The following JUP variants were observed in gnomAD, a reference collection of about 807,000 sequenced individuals.
The protein encoded by JUP is catenin (cadherin-associated protein), gamma 80kDa.
JUP carries 28 observed loss-of-function variants against 71.1 expected under a neutral mutation model. The ratio of observed to expected loss-of-function variants is 0.39; its 90% CI spans 0.29 to 0.54. JUP has a LOEUF of 0.54. JUP is among the 20% of genes least tolerant of loss of function. The probability of loss-of-function intolerance (pLI) is 0.62; values close to 1 mark genes in which losing one functional copy is unlikely to be tolerated. For missense variants in JUP, 869 were observed against 1,030.1 expected (o/e 0.84, Z 2.14); for synonymous variants, 401 against 438.9 (o/e 0.91, Z 1.08).
At chr17:41,776,726 G>A (rs572248112) in intron 1 of JUP, among the ~76,000 whole-genome samples, 23 of 152,222 alleles carry the variant, frequency 1.5e-4, no homozygotes, top group Admixed American at 4.6e-4. Flanking sequence ...AGGTGAGGGG[G>A]CCAGGCGCGG....
At chr17:41,770,788 C>T (rs1916529173) in intron 2 of JUP, among the ~76,000 whole-genome samples, 3 of 152,226 alleles carry the variant, frequency 2.0e-5, no homozygotes, top group South Asian at 2.1e-4. Context: ...GTCAGTCACT[C>T]ATCCCACAGC....
chr17:41,772,158 G>T (rs1350259819), intron 1 of JUP: 1 of 494,136 alleles, frequency 2.0e-6, no homozygotes, highest in African/African-American at 1.9e-5. Context: ...GGACAGTCAA[G>T]GGCCAGCTGC....
chr17:41,765,579 C>T (rs1328626055), intron 5 of JUP, among the ~76,000 whole-genome samples: 1 of 152,086 alleles, frequency 6.6e-6, no homozygotes, highest in African/African-American at 2.4e-5. Flanking sequence ...TTTCAAACTC[C>T]TGACCTCAGG....
intron 1 of JUP, among the ~76,000 whole-genome samples, chr17:41,774,523 C>T (rs545402805): frequency 1.4e-4 from 21 of 151,846 alleles, no homozygotes; most frequent in African/African-American, 4.8e-4. Flanking sequence ...TAGTAAAGAC[C>T]GGGTTTCCCC....
In JUP at chr17:41,779,386, G is replaced by A. The variant is rs546391724; in HGVS notation, c.-9+7202C>T. Among the ~76,000 whole-genome samples the A allele has an allele frequency of 1.5e-3, 214 of 139,166 alleles. 1 individual carries two copies. The highest frequency in any genetic ancestry group is 5.6e-3 in the African/African-American group (202 of 36,196). The allele number at this position is 139,166 out of a possible 152,430, so 91.3% of individuals were successfully genotyped here. ...GATGTCACCCAGGCTGGAGTGCAGT[G>A]GCACAATCTTGGCTCACTGCAAGCT... On this transcript the variant is annotated intron_variant, in intron 1 of 13. Transcript: ENST00000393931.
At position 41,763,307 on chromosome 17, in the gene JUP, A is replaced by C; in HGVS notation, c.1173T>G (p.Ser391Arg). 1 of 1,613,770 alleles carries C rather than the reference A, an allele frequency of 6.2e-7. No individual in the cohort carries two copies. Among genetic ancestry groups the C allele is most frequent in the Non-Finnish European group, 8.5e-7 (1 of 1,179,882 alleles). ...GCTGATTCACCAGAATCTTCAGCAC[A>C]CTCTCCAGGCCCTCCTGGAGGGCAA... The part of the protein sequence containing the change: ...DVATKQEGLE[S>R]VLKILVNQLS... The change falls in exon 8 of 14, where the codon AGT becomes AGG. Residue 391 changes from serine (S) to arginine (R), a missense_variant. Transcript: ENST00000393931.
intron 8 of JUP, among the ~76,000 whole-genome samples, chr17:41,761,159 C>T (rs751753794): frequency 6.6e-6 from 1 of 152,196 alleles, no homozygotes; most frequent in Non-Finnish European, 1.5e-5. Context: ...AAGAAGAAGA[C>T]CCCACTCCTT....
chr17:41,772,758 C>T (rs1454695314), intron 1 of JUP: 1 of 967,078 alleles, frequency 1.0e-6, no homozygotes, highest in Non-Finnish European at 1.2e-6. Context: ...GTGGGGCAGG[C>T]CTGTGGGTGG....
At chr17:41,776,245 C>T (rs141277032) in intron 1 of JUP, among the ~76,000 whole-genome samples, 60 of 152,338 alleles carry the variant, frequency 3.9e-4, no homozygotes, top group African/African-American at 1.4e-3. Flanking sequence ...GCTCAGACAG[C>T]GACAGGGTGA....
chr17:41,772,784 A>G (rs1916863124), intron 1 of JUP: 4 of 983,474 alleles, frequency 4.1e-6, no homozygotes, highest in Non-Finnish European at 4.8e-6. Context: ...GCCGTCAGGA[A>G]CCCCTCTCTC....
chr17:41,765,437 C>T (rs1018563171), intron 5 of JUP, among the ~76,000 whole-genome samples: 6 of 152,054 alleles, frequency 3.9e-5, no homozygotes, highest in African/African-American at 7.2e-5. Context: ...CTACAACCTC[C>T]GCCTCCCGGG....
rs566435665 is a variant in JUP at position 41,769,052 on chromosome 17, G to C, written c.624C>G (p.Ile208Met). The C allele has an allele frequency of 8.1e-6, 13 of 1,613,260 alleles. No individual in the cohort carries two copies. The East Asian group carries it at 2.9e-4, about 36-fold the overall frequency. ...CCCGGTGGTGGGAGAGGTTGTGCAG[G>C]ATGCTGGTGGTGCAGCGGGCTGTGT... is the stretch of plus-strand genomic sequence containing the variant. Reference protein sequence around the residue: ...DLDTARCTTSILHNLSHHREG... With the variant: ...DLDTARCTTSMLHNLSHHREG... Residue 208 changes from isoleucine (I) to methionine (M), a missense_variant, in exon 4 of 14, where the codon ATC (isoleucine) becomes ATG (methionine). Coordinates refer to ENST00000393931, the MANE Select transcript of JUP (RefSeq NM_002230.4).
chr17:41,759,341 C>G (rs1372989222), intron 8 of JUP, among the ~76,000 whole-genome samples: 1 of 152,148 alleles, frequency 6.6e-6, no homozygotes, highest in Non-Finnish European at 1.5e-5. Context: ...TTCTAAAGTG[C>G]TGGGATTACA....
chr17:41,776,401 G>C (rs536379222), intron 1 of JUP, among the ~76,000 whole-genome samples: 22 of 152,354 alleles, frequency 1.4e-4, no homozygotes, highest in African/African-American at 5.0e-4. Context: ...TCTCATGCTA[G>C]AAGAACAAAG....
Position 41,769,621 on chromosome 17 carries a change from T to C in JUP, c.265A>G (p.Met89Val). Residue 89 changes from methionine to valine, a missense_variant, in exon 3 of 14, where the codon ATG becomes GTG. By Grantham distance (21) the Met-to-Val change is conservative. Coordinates refer to ENST00000393931, the MANE Select transcript of JUP (RefSeq NM_002230.4). ...TARAKRVREAMCPGVSGEDSS... is the reference protein window; with the variant it reads ...TARAKRVREAVCPGVSGEDSS... The stretch of plus-strand genomic sequence containing the variant: ...TCCTCGCCTGACACACCAGGGCACA[T>C]GGCCTCCCGCACCCGTTTGGCCCTG... The C allele has an allele frequency of 6.2e-6, 10 of 1,605,946 alleles. No individual in the cohort carries two copies. The highest frequency in any genetic ancestry group is 7.6e-6 in the Non-Finnish European group (9 of 1,177,130).
Position 41,765,496 on chromosome 17 carries a change from C to T in JUP, c.910-429G>A, listed in dbSNP as rs918486074. Reference sequence around the variant, plus strand: ...CCTCCCAAGTAGCTGGGATTACAGGCGTGTGCCATCACGCCCGGCTAATTT... The same window carrying T: ...CCTCCCAAGTAGCTGGGATTACAGGTGTGTGCCATCACGCCCGGCTAATTT... On this transcript the variant is annotated intron_variant, in intron 5 of 13. Transcript: ENST00000393931. Among the ~76,000 whole-genome samples, 6 of 152,070 alleles carry T rather than the reference C, an allele frequency of 3.9e-5. No homozygotes were observed. In the South Asian group the frequency reaches 6.2e-4, roughly 16 times the overall value.
intron 1 of JUP, among the ~76,000 whole-genome samples, chr17:41,779,071 C>A (rs1338920559): frequency 1.3e-5 from 2 of 151,308 alleles, no homozygotes; most frequent in Admixed American, 6.6e-5. Context: ...CCCGTCTCTA[C>A]TAAAAATACA....
Position 41,769,135 on chromosome 17 carries a change from C to T in JUP, c.541G>A (p.Gly181Ser), listed in dbSNP as rs1916170027. 3 of 1,608,852 alleles carry T rather than the reference C, an allele frequency of 1.9e-6. No homozygotes were observed. The highest frequency in any genetic ancestry group is 2.7e-5 in the African/African-American group (2 of 74,932). The change falls in exon 4 of 14, where the codon GGC becomes AGC. Residue 181 changes from glycine (G) to serine (S), a missense_variant. Transcript: ENST00000393931. ...ACAGCGGCCACCAGCTGGGGCGAGC[C>T]CATCAGGGCCCGCCGCGACGCCTCC... The part of the protein sequence containing the change: ...KKEASRRALM[G>S]SPQLVAAVVR...
At chr17:41,770,616 C>G (rs1916502723) in intron 2 of JUP, among the ~76,000 whole-genome samples, 1 of 152,322 alleles carries the variant, frequency 6.6e-6, no homozygotes, top group South Asian at 2.1e-4. Context: ...ACAGTCTACT[C>G]ACACTACTCC....
Sources: allele counts gnomAD v4.1 joint callset (sites outside exome capture counted in the v4.1 genomes callset), GRCh38; gene constraint gnomAD v4.1.1; transcripts MANE v1.5; gene names NCBI Gene and HGNC (gene_info 2026-07-23, HGNC 2026-07-21).